RANBP2: variants seen among roughly 807,000 people sequenced by gnomAD.
RANBP2 encodes E3 SUMO-protein ligase RanBP2.
A neutral mutation model predicts 303.6 loss-of-function variants in RANBP2; 57 were observed. That is an observed-to-expected ratio of 0.19 (90% CI 0.15 to 0.23). The LOEUF is 0.23. RANBP2 is among the 10% of genes least tolerant of loss of function. The probability of loss-of-function intolerance (pLI) is 1.00; values close to 1 mark genes in which losing one functional copy is unlikely to be tolerated. For missense variants in RANBP2, 3,138 were observed against 3,780.8 expected, an observed-to-expected ratio of 0.83 and a Z score of 4.46; for synonymous variants, 1,167 against 1,301.5, an observed-to-expected ratio of 0.90 and a Z score of 2.23.
At chr2:109,737,512 C>T in the RANBP2 span, 15 of 580,266 alleles carry the variant, frequency 2.6e-5, no homozygotes, top group African/African-American at 1.1e-4. Flanking sequence ...AGCTTTCTCG[C>T]GGGCACCATG....
At chr2:109,234,586 G>A in the RANBP2 span, among the ~76,000 whole-genome samples, 73 of 152,346 alleles carry the variant, frequency 4.8e-4, no homozygotes, top group African/African-American at 1.7e-3. Context: ...CTCGTTGACA[G>A]CTGTTTAAAA....
chr2:108,961,718 C>T, the RANBP2 span, among the ~76,000 whole-genome samples: 5 of 152,234 alleles, frequency 3.3e-5, no homozygotes, highest in Admixed American at 2.0e-4. Flanking sequence ...TGGGTGGGTG[C>T]GGAAAAGCCT....
At chr2:109,503,954 G>A in the RANBP2 span, 1,617 of 152,348 alleles carry the variant, frequency 0.011, 10 homozygotes, top group Non-Finnish European at 0.016. Context: ...GGGCAGAGTC[G>A]GGTGGGCGTT....
At chr2:109,511,399 G>C in the RANBP2 span, among the ~76,000 whole-genome samples, 1 of 152,180 alleles carries the variant, frequency 6.6e-6, no homozygotes. Flanking sequence ...CATACTCTTT[G>C]ATCAAAAAGA....
the RANBP2 span, among the ~76,000 whole-genome samples, chr2:109,068,198 CGCGG>C: frequency 6.6e-6 from 1 of 151,682 alleles, no homozygotes. Flanking sequence ...TTCATCTTTT[CGCGG>C]AACTGTTCTT....
chr2:109,615,392 C>T, the RANBP2 span: 11 of 1,612,922 alleles, frequency 6.8e-6, no homozygotes, highest in Admixed American at 1.7e-5. Flanking sequence ...ACTTCATTAC[C>T]GGCTTCACTT....
the RANBP2 span, among the ~76,000 whole-genome samples, chr2:109,201,845 C>T: frequency 3.9e-5 from 6 of 152,240 alleles, no homozygotes; most frequent in Non-Finnish European, 7.3e-5. Context: ...ATAGTGCCCT[C>T]CCTCCAGGGA....
chr2:108,925,213 G>T, the RANBP2 span, among the ~76,000 whole-genome samples: 1 of 152,246 alleles, frequency 6.6e-6, no homozygotes, highest in South Asian at 2.1e-4. Flanking sequence ...CCTTGTGCTA[G>T]GTACTAAGGA....
the RANBP2 span, among the ~76,000 whole-genome samples, chr2:109,599,133 G>A: frequency 6.6e-6 from 1 of 152,052 alleles, no homozygotes; most frequent in South Asian, 2.1e-4. Context: ...ACTGCTAGAA[G>A]TGGATGCTTA....
At chr2:108,837,673 G>T in the RANBP2 span, among the ~76,000 whole-genome samples, 1 of 152,128 alleles carries the variant, frequency 6.6e-6, no homozygotes, top group Non-Finnish European at 1.5e-5. Context: ...AGCACACACA[G>T]CTATGTAGAG....
At chr2:109,505,443 C>T in the RANBP2 span, among the ~76,000 whole-genome samples, 4 of 152,166 alleles carry the variant, frequency 2.6e-5, no homozygotes, top group Admixed American at 6.5e-5. Context: ...GAGGCTAAGG[C>T]AGGAGGATTG....
the RANBP2 span, among the ~76,000 whole-genome samples, chr2:109,223,095 C>T: frequency 6.6e-6 from 1 of 152,236 alleles, no homozygotes; most frequent in Non-Finnish European, 1.5e-5. Context: ...GCTTCTCCAT[C>T]CCAGACAGGG....
chr2:109,550,828 G>A, the RANBP2 span, among the ~76,000 whole-genome samples: 855 of 152,164 alleles, frequency 5.6e-3, 4 homozygotes, highest in Non-Finnish European at 9.7e-3. Flanking sequence ...TAAGGCTCCT[G>A]TTCTCCTCAT....
chr2:109,512,879 G>A, the RANBP2 span, among the ~76,000 whole-genome samples: 5 of 152,180 alleles, frequency 3.3e-5, no homozygotes, highest in African/African-American at 7.2e-5. Flanking sequence ...TTCACCTCCA[G>A]TTCTTCAGGT....
the RANBP2 span, among the ~76,000 whole-genome samples, chr2:109,355,263 T>G: frequency 2.6e-5 from 4 of 152,316 alleles, no homozygotes; most frequent in South Asian, 6.2e-4. Context: ...TGGAAACAAG[T>G]TTCATTCATA....
the RANBP2 span, among the ~76,000 whole-genome samples, chr2:109,312,230 C>T: frequency 3.9e-5 from 6 of 152,162 alleles, no homozygotes; most frequent in African/African-American, 1.2e-4. Flanking sequence ...ACACACAAGG[C>T]CAGAGGGACA....
chr2:109,040,262 T>C, the RANBP2 span, among the ~76,000 whole-genome samples: 1 of 152,200 alleles, frequency 6.6e-6, no homozygotes, highest in South Asian at 2.1e-4. Flanking sequence ...AGTGTCTGTA[T>C]ATTCATGATG....
chr2:109,048,217 C>G, the RANBP2 span, among the ~76,000 whole-genome samples: 4 of 152,224 alleles, frequency 2.6e-5, no homozygotes, highest in African/African-American at 9.6e-5. Context: ...ATTGCTGCAG[C>G]TGAATATTTT....
At chr2:109,412,590 C>G in the RANBP2 span, among the ~76,000 whole-genome samples, 1 of 152,228 alleles carries the variant, frequency 6.6e-6, no homozygotes, top group East Asian at 1.9e-4. Context: ...GCTGCAGGGT[C>G]ACCCCTGCCC....
Sources: gnomAD v4.1 joint callset for allele counts (sites outside exome capture counted in the v4.1 genomes callset) on GRCh38, gnomAD v4.1.1 for gene constraint, MANE v1.5 for transcripts, NCBI Gene and HGNC (gene_info 2026-07-23, HGNC 2026-07-21) for gene names.